The following ANKRD46 variants were observed in gnomAD, a reference collection of about 807,000 sequenced individuals.
ANKRD46 encodes the protein ankyrin repeat domain-containing protein 46.
Under a neutral mutation model 19.8 loss-of-function variants are expected in ANKRD46, and 13 were observed. The ratio of observed to expected loss-of-function variants is 0.66; its 90% CI spans 0.43 to 1.04. The LOEUF is 1.04. Ranked by LOEUF, ANKRD46 falls within the 50% of genes least tolerant of loss-of-function variation. ANKRD46 has a pLI of 0.00. For missense variants in ANKRD46, 185 were observed against 274.8 expected (o/e 0.67, Z 2.31); for synonymous variants, 91 against 106.9 (o/e 0.85, Z 0.92).
At position 100,527,740 on chromosome 8, in the gene ANKRD46, C is replaced by T. The variant is rs1431317033; in HGVS notation, c.470+105G>A. On this transcript the variant is annotated intron_variant, in intron 4 of 4. Transcript: ENST00000335659. This position sits in a 1 kb window ranked among gnomAD's most constrained non-coding sequence, Gnocchi z 4.0. ...TCTTGCTGGGTGTGGCTACATGTGC[C>T]TATAGTCCCAGCTAGTCAGGAGGCT... The T allele has an allele frequency of 2.5e-5, 31 of 1,251,642 alleles. No homozygotes were observed. The highest frequency in any genetic ancestry group is 3.1e-5 in the Non-Finnish European group (29 of 920,922). The allele number at this position is 1,251,642 out of a possible 1,614,324, so 77.5% of individuals were successfully genotyped here. A position where few individuals can be genotyped will look rare whatever the true frequency, so the allele number is the denominator to read the frequency against.
At chr8:100,551,263 A>G (rs1812383577) in intron 1 of ANKRD46, 2 of 488,908 alleles carry the variant, frequency 4.1e-6, no homozygotes, top group Non-Finnish European at 7.7e-6. Context: ...TTGGTGGTAC[A>G]GAAGGCATTG....
At chr8:100,552,700 T>G (rs1812418568) in intron 1 of ANKRD46, among the ~76,000 whole-genome samples, 1 of 152,244 alleles carries the variant, frequency 6.6e-6, no homozygotes, top group Non-Finnish European at 1.5e-5. Flanking sequence ...ACTTTATTTT[T>G]CTATGGTGTA....
Position 100,550,688 on chromosome 8 carries a change from T to C in ANKRD46, c.-131+9023A>G, listed in dbSNP as rs60796224. On this transcript the variant is annotated intron_variant, in intron 1 of 4. Transcript: ENST00000335659. The surrounding 1 kb of genome is among the most constrained non-coding windows in gnomAD (Gnocchi z 4.4). The stretch of plus-strand genomic sequence containing the variant: ...CAGAAGCTGAAGGTCTCTTTCTTCC[T>C]CTTGTGCTCTCACTGGGGCTGGTTG... 77 of 302,960 alleles carry C rather than the reference T, an allele frequency of 2.5e-4. No homozygotes were observed. The East Asian group carries it at 6.6e-3, about 26-fold the overall frequency. 18.8% of individuals were successfully genotyped at this position (302,960 alleles called of 1,614,324 possible). A position where few individuals can be genotyped will look rare whatever the true frequency, so the allele number is the denominator to read the frequency against.
chr8:100,528,454 A>C (rs1408585542), intron 3 of ANKRD46, among the ~76,000 whole-genome samples: 1 of 152,154 alleles, frequency 6.6e-6, no homozygotes, highest in Non-Finnish European at 1.5e-5. Context: ...TTAACTCAAA[A>C]GTAAAACCCA....
chr8:100,542,485 T>C (rs1249742645), intron 1 of ANKRD46, among the ~76,000 whole-genome samples: 3 of 152,120 alleles, frequency 2.0e-5, no homozygotes, highest in East Asian at 1.9e-4. Context: ...GAAATGTTGA[T>C]TTAATGCTGA....
Position 100,529,914 on chromosome 8 carries a change from A to T in ANKRD46, c.-27-54T>A. ...ATGAAGACAAATGAAATCAAGACAAAGGAGTCATTTAGAAAAGCAATATTT... is the reference window on the plus strand; with the variant it reads ...ATGAAGACAAATGAAATCAAGACAATGGAGTCATTTAGAAAAGCAATATTT... On this transcript the variant is annotated intron_variant, in intron 2 of 4. Coordinates refer to ENST00000335659, the MANE Select transcript of ANKRD46 (RefSeq NM_001270377.2). This position sits in a 1 kb window ranked among gnomAD's most constrained non-coding sequence, Gnocchi z 5.8. The T allele has an allele frequency of 7.1e-7, 1 of 1,418,410 alleles. No homozygotes were observed. The highest frequency in any genetic ancestry group is 9.6e-7 in the Non-Finnish European group (1 of 1,046,198). The allele number at this position is 1,418,410 out of a possible 1,614,324, so 87.9% of individuals were successfully genotyped here. A position where few individuals can be genotyped will look rare whatever the true frequency, so the allele number is the denominator to read the frequency against.
intron 4 of ANKRD46, among the ~76,000 whole-genome samples, chr8:100,526,356 G>T (rs1811842580): frequency 6.6e-6 from 1 of 151,992 alleles, no homozygotes; most frequent in African/African-American, 2.4e-5. Context: ...ACACATTCTT[G>T]GTTGTTTTTC....
At position 100,544,611 on chromosome 8, in the gene ANKRD46, G is replaced by T. The variant is rs578108063; in HGVS notation, c.-130-11300C>A. On this transcript the variant is annotated intron_variant, in intron 1 of 4. Transcript: ENST00000335659. This position sits in a 1 kb window ranked among gnomAD's most constrained non-coding sequence, Gnocchi z 4.4. Reference sequence around the variant, plus strand: ...CTAAGTACTAGACACCAATCAAAACGTTTGTATCTTAGGTCCTAACTCGGC... The same window carrying T: ...CTAAGTACTAGACACCAATCAAAACTTTTGTATCTTAGGTCCTAACTCGGC... 1.3e-5 allele frequency among the ~76,000 whole-genome samples: 2 copies of T among 152,062 alleles called. No individual in the cohort carries two copies. Among genetic ancestry groups the T allele is most frequent in the African/African-American group, 4.8e-5 (2 of 41,396 alleles).
In ANKRD46 at chr8:100,515,682, G is replaced by C. The variant is rs114248863; in HGVS notation, c.637-5043C>G. Among the ~76,000 whole-genome samples the C allele has an allele frequency of 6.7e-3, 1,011 of 151,316 alleles. 17 individuals are homozygous for C. The highest frequency in any genetic ancestry group is 0.024 in the African/African-American group (965 of 40,966). On this transcript the variant is annotated intron_variant, in intron 5 of 5. Transcript: ENST00000520552. ...GGGGAGGGGGGGGGCGGTGATGGCA[G>C]CGTGTGAGGGAGGGGCAGTATGGAA...
At chr8:100,555,743 AAAAAAAAAAAAAAAAAAAAG>A (rs1812485842) in intron 1 of ANKRD46, among the ~76,000 whole-genome samples, 1 of 139,176 alleles carries the variant, frequency 7.2e-6, no homozygotes, top group Non-Finnish European at 1.5e-5. Context: ...AAAAAAAAAA[AAAAAAAAAAAAAAAAAAAAG>A]ATTTCCACAT....
chr8:100,540,423 A>C (rs892307403), intron 1 of ANKRD46, among the ~76,000 whole-genome samples: 3 of 152,218 alleles, frequency 2.0e-5, no homozygotes, highest in Non-Finnish European at 4.4e-5. Context: ...AAGCCAAATT[A>C]ACTGTTTTTA....
intron 1 of ANKRD46, among the ~76,000 whole-genome samples, chr8:100,555,664 T>A (rs1812481707): frequency 8.3e-6 from 1 of 120,992 alleles, no homozygotes; most frequent in Non-Finnish European, 1.7e-5. Context: ...CAATGAAAAA[T>A]TCCTGGAGAA....
intron 1 of ANKRD46, among the ~76,000 whole-genome samples, chr8:100,535,564 T>C (rs1196302409): frequency 2.6e-5 from 4 of 152,182 alleles, no homozygotes; most frequent in Non-Finnish European, 5.9e-5. Context: ...CCCATGCCAG[T>C]CTCTCCTTAA....
downstream of ANKRD46, among the ~76,000 whole-genome samples, chr8:100,518,468 C>A (rs1332220621): frequency 6.6e-6 from 1 of 151,960 alleles, no homozygotes; most frequent in African/African-American, 2.4e-5. Context: ...AAAAGCGGTG[C>A]AATTCTTGAT....
intron 5 of ANKRD46, among the ~76,000 whole-genome samples, chr8:100,513,227 AAAG>A (rs1190371501): frequency 6.6e-6 from 1 of 152,224 alleles, no homozygotes; most frequent in African/African-American, 2.4e-5. Flanking sequence ...GTCTTCCTTC[AAAG>A]AAGCACCATG....
At position 100,550,695 on chromosome 8, in the gene ANKRD46, C is replaced by T. The variant is rs951534243; in HGVS notation, c.-131+9016G>A. 2 of 310,814 alleles carry T rather than the reference C, an allele frequency of 6.4e-6. No homozygotes were observed. The highest frequency in any genetic ancestry group is 2.2e-5 in the African/African-American group (1 of 45,368). The allele number at this position is 310,814 out of a possible 1,614,324, so 19.3% of individuals were successfully genotyped here. A position where few individuals can be genotyped will look rare whatever the true frequency, so the allele number is the denominator to read the frequency against. On this transcript the variant is annotated intron_variant, in intron 1 of 4. Transcript: ENST00000335659. The surrounding 1 kb of genome is among the most constrained non-coding windows in gnomAD (Gnocchi z 4.4). ...TGAAGGTCTCTTTCTTCCTCTTGTG[C>T]TCTCACTGGGGCTGGTTGTCGAGCA... is the stretch of plus-strand genomic sequence containing the variant.
In ANKRD46 at chr8:100,522,449, T is replaced by G; in HGVS notation, c.*106A>C. ...AATAATTAAAAATGCAAAAAGAACA[T>G]GTACTGCCCTCACTGCTTTGCGCTA... On this transcript the variant is annotated 3_prime_UTR_variant, in exon 5 of 5. Coordinates refer to ENST00000335659, the MANE Select transcript of ANKRD46 (RefSeq NM_001270377.2). 2.0e-6 allele frequency: 3 copies of G among 1,484,360 alleles called. No individual in the cohort carries two copies. The highest frequency in any genetic ancestry group is 1.8e-6 in the Non-Finnish European group (2 of 1,122,142). The allele number at this position is 1,484,360 out of a possible 1,614,324, so 91.9% of individuals were successfully genotyped here.
downstream of ANKRD46, chr8:100,520,726 A>G (rs920180692): frequency 9.9e-5 from 86 of 872,098 alleles, no homozygotes; most frequent in Non-Finnish European, 1.1e-4. Flanking sequence ...TCCCCAAATT[A>G]AAACTATAAT....
rs909960906 is a variant in ANKRD46 at position 100,543,428 on chromosome 8, G to A, written c.-130-10117C>T. ...CAAAAAACAATTTTCTAAATGACTT[G>A]TAGATAGGAGCAGGACACAATATAA... On this transcript the variant is annotated intron_variant, in intron 1 of 4. Transcript: ENST00000335659. The surrounding 1 kb of genome is among the most constrained non-coding windows in gnomAD (Gnocchi z 4.2). Among the ~76,000 whole-genome samples, 1 of 152,198 alleles carries A rather than the reference G, an allele frequency of 6.6e-6. No individual in the cohort carries two copies. Among genetic ancestry groups the A allele is most frequent in the Non-Finnish European group, 1.5e-5 (1 of 68,020 alleles).
Sources: gnomAD v4.1 joint callset for allele counts (sites outside exome capture counted in the v4.1 genomes callset) on GRCh38, gnomAD v4.1.1 for gene constraint, Gnocchi (gnomAD v3.1) non-coding constraint, MANE v1.5 for transcripts, NCBI Gene and HGNC (gene_info 2026-07-23, HGNC 2026-07-21) for gene names.